The following ROBO2 variants were observed in gnomAD, a reference collection of about 807,000 sequenced individuals.
ROBO2 encodes the protein roundabout guidance receptor 2, also known as roundabout homolog 2.
ROBO2 carries 53 observed loss-of-function variants against 160.8 expected under a neutral mutation model. The ratio of observed to expected loss-of-function variants is 0.33; its 90% CI spans 0.26 to 0.41. ROBO2 has a LOEUF of 0.41. ROBO2 is among the 10% of genes least tolerant of loss of function. The pLI, the probability that ROBO2 is intolerant of heterozygous loss-of-function variation, is 1.00. For synonymous variants in ROBO2, 664 were observed against 611.7 expected (o/e 1.09, Z -1.26); for missense variants, 1,577 against 1,722.4 (o/e 0.92, Z 1.49).
chr3:77,416,274 G>A (rs1480529591), intron 2 of ROBO2, among the ~76,000 whole-genome samples: 2 of 152,186 alleles, frequency 1.3e-5, no homozygotes, highest in Middle Eastern at 3.2e-3. Flanking sequence ...TGGGCCTGGA[G>A]AATGCACCAT....
chr3:76,733,800 C>T (rs1033686606), intron 2 of ROBO2, among the ~76,000 whole-genome samples: 5 of 152,114 alleles, frequency 3.3e-5, no homozygotes, highest in South Asian at 2.1e-4. Flanking sequence ...TAAACAATTA[C>T]GAATGGCTGG....
intron 2 of ROBO2, among the ~76,000 whole-genome samples, chr3:77,263,161 GAA>G (rs1044613653): frequency 6.6e-6 from 1 of 152,044 alleles, no homozygotes; most frequent in South Asian, 2.1e-4. Flanking sequence ...TATGGTGGTA[GAA>G]AAAAAGCCAC....
intron 2 of ROBO2, among the ~76,000 whole-genome samples, chr3:75,964,032 G>A (rs537339000): frequency 5.3e-4 from 80 of 151,782 alleles, no homozygotes; most frequent in African/African-American, 1.5e-3. Flanking sequence ...GGGGAGCAGC[G>A]TTCAGCCCAT....
chr3:77,439,790 G>A (rs1190780627), intron 2 of ROBO2, among the ~76,000 whole-genome samples: 2 of 151,878 alleles, frequency 1.3e-5, no homozygotes, highest in Non-Finnish European at 2.9e-5. Flanking sequence ...CCTTTCTCCT[G>A]TGTTCTTCTT....
intron 2 of ROBO2, among the ~76,000 whole-genome samples, chr3:76,939,415 G>A (rs1006673186): frequency 1.3e-5 from 2 of 152,150 alleles, no homozygotes; most frequent in African/African-American, 4.8e-5. Flanking sequence ...TACCAGTGAT[G>A]AGCTATAAGA....
At chr3:76,217,363 A>G (rs184108148) in intron 2 of ROBO2, among the ~76,000 whole-genome samples, 4 of 152,328 alleles carry the variant, frequency 2.6e-5, no homozygotes, top group African/African-American at 4.8e-5. Flanking sequence ...CAAAAAATCA[A>G]TGAATCCAGG....
chr3:77,252,819 A>ATATATATATATATATATAT, intron 2 of ROBO2, among the ~76,000 whole-genome samples: 1 of 38,552 alleles, frequency 2.6e-5, no homozygotes, highest in Non-Finnish European at 8.4e-5. Context: ...AAAAAAAAAA[A>ATATATATATATATATATAT]AAAAAAAAAA....
chr3:75,945,598 C>T (rs1422021882), intron 2 of ROBO2, among the ~76,000 whole-genome samples: 1 of 151,996 alleles, frequency 6.6e-6, no homozygotes, highest in Non-Finnish European at 1.5e-5. Context: ...CAATTGACTA[C>T]AAAACAAACT....
chr3:77,115,633 C>A (rs1307348836), intron 2 of ROBO2, among the ~76,000 whole-genome samples: 1 of 152,064 alleles, frequency 6.6e-6, no homozygotes, highest in Non-Finnish European at 1.5e-5. Flanking sequence ...GTGAACTAAC[C>A]GAACTTTTAT....
intron 2 of ROBO2, among the ~76,000 whole-genome samples, chr3:76,559,353 A>G (rs890399649): frequency 6.6e-6 from 1 of 152,218 alleles, no homozygotes; most frequent in Non-Finnish European, 1.5e-5. Context: ...ATTATCTTGC[A>G]TTCAGACATA....
At chr3:77,250,660 A>C (rs2090234139) in intron 2 of ROBO2, among the ~76,000 whole-genome samples, 1 of 152,196 alleles carries the variant, frequency 6.6e-6, no homozygotes, top group Non-Finnish European at 1.5e-5. Flanking sequence ...CAATGAAGAG[A>C]AATTGATTTG....
chr3:76,515,785 T>C (rs2081320693), intron 2 of ROBO2, among the ~76,000 whole-genome samples: 1 of 152,164 alleles, frequency 6.6e-6, no homozygotes, highest in Admixed American at 6.6e-5. Context: ...TGTCAAACGT[T>C]CATTCCCTTC....
chr3:76,567,625 A>G (rs1343639880), intron 2 of ROBO2, among the ~76,000 whole-genome samples: 1 of 67,010 alleles, frequency 1.5e-5, no homozygotes, highest in Admixed American at 1.5e-4. Context: ...CTACTGATAT[A>G]TATATATATA....
chr3:76,136,255 C>T (rs1286849884), intron 2 of ROBO2, among the ~76,000 whole-genome samples: 1 of 152,066 alleles, frequency 6.6e-6, no homozygotes, highest in African/African-American at 2.4e-5. Flanking sequence ...GTTGACAGTG[C>T]TGTAAGAAAA....
chr3:76,258,015 T>G (rs1375690467), intron 2 of ROBO2, among the ~76,000 whole-genome samples: 2 of 151,968 alleles, frequency 1.3e-5, no homozygotes, highest in Non-Finnish European at 2.9e-5. Context: ...ATATTTTCTG[T>G]TTTTTTCTCT....
rs573158428 is a variant in ROBO2 at position 77,468,833 on chromosome 3, G to C, written c.389-8581G>C. 5.9e-5 allele frequency among the ~76,000 whole-genome samples: 9 copies of C among 152,316 alleles called. No homozygotes were observed. The South Asian group carries it at 1.9e-3, about 32-fold the overall frequency. On this transcript the variant is annotated intron_variant, in intron 2 of 25. Transcript: ENST00000461745. Reference sequence around the variant, plus strand: ...CTGTGCACAGAATCTCATTGGAGGTGGGGGTGAGAGCTTCTCATTTTGGAG... The same window carrying C: ...CTGTGCACAGAATCTCATTGGAGGTCGGGGTGAGAGCTTCTCATTTTGGAG...
intron 2 of ROBO2, among the ~76,000 whole-genome samples, chr3:76,944,857 T>C (rs1249145888): frequency 6.6e-6 from 1 of 151,866 alleles, no homozygotes; most frequent in African/African-American, 2.4e-5. Context: ...CAGCAGGTCC[T>C]GTGGCCCTCC....
chr3:77,487,241 T>A (rs1257807181), intron 4 of ROBO2, among the ~76,000 whole-genome samples: 1 of 152,264 alleles, frequency 6.6e-6, no homozygotes, highest in East Asian at 1.9e-4. Flanking sequence ...AATATAATCC[T>A]TTCTTGAGTA....
Position 77,042,935 on chromosome 3 carries a change from T to G in ROBO2, c.61+2089T>G, listed in dbSNP as rs535002080. On this transcript the variant is annotated intron_variant, in intron 1 of 25. Transcript: ENST00000461745. ...ACACTGAAAAGGCAATATTAAATTT[T>G]TGTGTGTGTGAAACTAGTTTTGTAT... Among the ~76,000 whole-genome samples, 132 of 152,328 alleles carry G rather than the reference T, an allele frequency of 8.7e-4. 1 individual carries two copies. The highest frequency in any genetic ancestry group is 1.6e-4 in the Non-Finnish European group (11 of 68,028).
Sources: gnomAD v4.1 joint callset for allele counts (sites outside exome capture counted in the v4.1 genomes callset) on GRCh38, gnomAD v4.1.1 for gene constraint, MANE v1.5 for transcripts, NCBI Gene and HGNC (gene_info 2026-07-23, HGNC 2026-07-21) for gene names.